Variants in NTRK2 observed in about 807,000 individuals in gnomAD.
NTRK2 encodes the protein neurotrophic receptor tyrosine kinase 2, also known as BDNF/NT-3 growth factors receptor.
Under a neutral mutation model 94.5 loss-of-function variants are expected in NTRK2, and 13 were observed. The observed-to-expected ratio is 0.14, with a 90% CI of 0.09 to 0.22. The LOEUF (loss-of-function observed/expected upper bound fraction) is 0.22. Among genes scored for constraint, NTRK2 ranks in the 10% least tolerant of loss-of-function variants. The pLI, the probability that NTRK2 is intolerant of heterozygous loss-of-function variation, is 1.00. For synonymous variants in NTRK2, 372 were observed against 407.4 expected (o/e 0.91, Z 1.05); for missense variants, 639 against 1,071.2 (o/e 0.60, Z 5.63).
intron 17 of NTRK2, among the ~76,000 whole-genome samples, chr9:84,990,757 C>G (rs1247256290): frequency 1.3e-5 from 2 of 152,100 alleles, no homozygotes; most frequent in East Asian, 3.9e-4. Context: ...GCCATGGGCA[C>G]ATGACGCAAG....
chr9:84,936,202 G>A (rs1010243962), intron 15 of NTRK2, among the ~76,000 whole-genome samples: 18 of 152,128 alleles, frequency 1.2e-4, no homozygotes, highest in Admixed American at 3.3e-4. Flanking sequence ...TTTCTCAGTG[G>A]GTATGGCCTT....
chr9:84,683,353 C>T (rs778111723), intron 2 of NTRK2, among the ~76,000 whole-genome samples: 1 of 152,094 alleles, frequency 6.6e-6, no homozygotes, highest in Non-Finnish European at 1.5e-5. Context: ...CCCCCCAACC[C>T]CTGACAGGCC....
chr9:85,014,511 C>T (rs1052498780), intron 17 of NTRK2, among the ~76,000 whole-genome samples: 3 of 152,324 alleles, frequency 2.0e-5, no homozygotes, highest in African/African-American at 7.2e-5. Flanking sequence ...CAGCAAATTC[C>T]TTCATTTCCC....
chr9:84,796,357 A>C (rs532736823), intron 12 of NTRK2, among the ~76,000 whole-genome samples: 1 of 152,190 alleles, frequency 6.6e-6, no homozygotes, highest in Non-Finnish European at 1.5e-5. Flanking sequence ...TTTTAATTCA[A>C]GATTAGAAGA....
At chr9:84,927,853 C>T (rs905577755) in intron 14 of NTRK2, among the ~76,000 whole-genome samples, 14 of 152,094 alleles carry the variant, frequency 9.2e-5, no homozygotes, top group Non-Finnish European at 1.9e-4. Flanking sequence ...CTCCCTATTT[C>T]CTGATTTCAC....
intron 12 of NTRK2, among the ~76,000 whole-genome samples, chr9:84,770,037 G>T (rs745629116): frequency 1.3e-5 from 2 of 151,980 alleles, no homozygotes; most frequent in African/African-American, 2.4e-5. Flanking sequence ...CTGGCCTTGT[G>T]TGCTCACCCT....
intron 2 of NTRK2, among the ~76,000 whole-genome samples, chr9:84,696,489 C>T (rs551683482): frequency 6.6e-5 from 10 of 152,264 alleles, no homozygotes; most frequent in South Asian, 6.2e-4. Context: ...TGTCCTATGA[C>T]GGTGATAAAC....
At chr9:84,840,025 TCCTC>T (rs747812048) in intron 12 of NTRK2, among the ~76,000 whole-genome samples, 41 of 151,910 alleles carry the variant, frequency 2.7e-4, no homozygotes, top group Non-Finnish European at 5.6e-4. Flanking sequence ...TTCCCTTTCT[TCCTC>T]CTCCTCCTCC....
At chr9:84,972,345 G>A (rs959864611) in intron 17 of NTRK2, among the ~76,000 whole-genome samples, 9 of 152,202 alleles carry the variant, frequency 5.9e-5, no homozygotes, top group African/African-American at 1.9e-4. Flanking sequence ...TCACTGGAGG[G>A]AAGTGTCCAA....
chr9:84,705,060 GT>G (rs770981890), intron 4 of NTRK2, among the ~76,000 whole-genome samples: 5 of 152,078 alleles, frequency 3.3e-5, no homozygotes, highest in Non-Finnish European at 7.4e-5. Flanking sequence ...ATTAAAAGCT[GT>G]TTCTCTCTAC....
chr9:84,731,945 C>T lies in NTRK2; in HGVS notation c.1159+3986C>T, dbSNP rs560043936. Among the ~76,000 whole-genome samples, 8 of 152,246 alleles carry T rather than the reference C, an allele frequency of 5.3e-5. No homozygotes were observed. The South Asian group carries it at 1.7e-3, about 32-fold the overall frequency. The stretch of plus-strand genomic sequence containing the variant: ...CAGGACCCCAGACACCAAGCCAGCG[C>T]CCTTCCCCATCTGTTAATCACTGGT... On this transcript the variant is annotated intron_variant, in intron 9 of 18. Coordinates refer to ENST00000277120, the MANE Select transcript of NTRK2 (RefSeq NM_006180.6).
At chr9:84,836,690 G>A (rs553373948) in intron 12 of NTRK2, among the ~76,000 whole-genome samples, 2 of 148,292 alleles carry the variant, frequency 1.3e-5, no homozygotes, top group African/African-American at 2.5e-5. Flanking sequence ...TTTTGGAAAT[G>A]CTCACTATGG....
At chr9:84,798,524 G>T (rs149625234) in intron 12 of NTRK2, among the ~76,000 whole-genome samples, 147 of 152,256 alleles carry the variant, frequency 9.7e-4, no homozygotes, top group African/African-American at 3.3e-3. Flanking sequence ...CTGGCCCTGT[G>T]CCCTGGAGCA....
At chr9:84,805,332 C>T (rs1273846272) in intron 12 of NTRK2, among the ~76,000 whole-genome samples, 4 of 152,162 alleles carry the variant, frequency 2.6e-5, no homozygotes, top group Admixed American at 2.0e-4. Flanking sequence ...AAATGGACCA[C>T]GTTTTTTTCC....
At chr9:84,746,989 T>C (rs111241877) in intron 11 of NTRK2, among the ~76,000 whole-genome samples, 7 of 152,306 alleles carry the variant, frequency 4.6e-5, no homozygotes, top group East Asian at 1.9e-4. Flanking sequence ...TGACACCTAG[T>C]AGGCACCTAG....
intron 12 of NTRK2, among the ~76,000 whole-genome samples, chr9:84,855,084 C>T (rs537915343): frequency 6.6e-6 from 1 of 151,760 alleles, no homozygotes; most frequent in Admixed American, 6.6e-5. Context: ...GGGGGAAGAC[C>T]GAGTAGGTTG....
At chr9:84,987,636 A>C (rs1828493583) in intron 17 of NTRK2, among the ~76,000 whole-genome samples, 2 of 152,188 alleles carry the variant, frequency 1.3e-5, no homozygotes, top group South Asian at 2.1e-4. Flanking sequence ...TAGCAGAAGC[A>C]TTAACTAAGC....
Position 84,715,964 on chromosome 9 carries a change from T to C in NTRK2, c.583+5173T>C, listed in dbSNP as rs574587422. ...CTTATCTGAGAGCTTCTTCAGCAAG[T>C]GTTAATAGTACATGAAATGCTCTGT... is the stretch of plus-strand genomic sequence containing the variant. On this transcript the variant is annotated intron_variant, in intron 6 of 18. Transcript: ENST00000277120. 2.6e-5 allele frequency among the ~76,000 whole-genome samples: 4 copies of C among 152,290 alleles called. No homozygotes were observed. In the South Asian group the frequency reaches 6.2e-4, roughly 24 times the overall value.
intron 12 of NTRK2, among the ~76,000 whole-genome samples, chr9:84,789,374 A>G (rs1425829739): frequency 1.3e-5 from 2 of 152,214 alleles, no homozygotes; most frequent in African/African-American, 4.8e-5. Context: ...GAGAGCCCAG[A>G]GCCAATTGTC....
Sources: allele counts gnomAD v4.1 joint callset (sites outside exome capture counted in the v4.1 genomes callset), GRCh38; gene constraint gnomAD v4.1.1; transcripts MANE v1.5; gene names NCBI Gene and HGNC (gene_info 2026-07-23, HGNC 2026-07-21).